LRCH2: variants seen among roughly 807,000 people sequenced by gnomAD.
LRCH2 encodes leucine rich repeats and calponin homology domain containing 2, also known as leucine-rich repeat and calponin homology domain-containing protein 2.
LRCH2 carries 38 observed loss-of-function variants against 68.9 expected under a neutral mutation model. The observed-to-expected ratio is 0.55, with a 90% CI of 0.43 to 0.72. The LOEUF is 0.72. Ranked by LOEUF, LRCH2 falls within the 30% of genes least tolerant of loss-of-function variation. LRCH2 has a pLI of 0.00. For missense variants in LRCH2, 528 were observed against 572.9 expected (o/e 0.92, Z 0.80); for synonymous variants, 191 against 208.1 (o/e 0.92, Z 0.71).
chrX:115,159,943 T>A (rs2072505291), intron 11 of LRCH2, among the ~76,000 whole-genome samples: 1 of 110,874 alleles, frequency 9.0e-6, no homozygotes, highest in Non-Finnish European at 1.9e-5. Flanking sequence ...CTGTACAATA[T>A]CCTCTTGCTG....
chrX:115,115,847 C>CA (rs1389764301), intron 20 of LRCH2, among the ~76,000 whole-genome samples: 113 of 102,809 alleles, frequency 1.1e-3, no homozygotes, highest in Non-Finnish European at 2.0e-3. Flanking sequence ...AACTACAACT[C>CA]AAAAAAAAAA....
At chrX:115,117,464 A>G (rs1414552520) in intron 20 of LRCH2, among the ~76,000 whole-genome samples, 1 of 111,629 alleles carries the variant, frequency 9.0e-6, no homozygotes. Context: ...TAAAGAATGT[A>G]TAAATCCATA....
In LRCH2 at chrX:115,197,400, C is replaced by T. The variant is rs1556563812; in HGVS notation, c.350-9030G>A. ...GAAATCTAAAAACCAATACAAAGAA[C>T]TCAGAAAATCAATTCAGAATACAAA... On this transcript the variant is annotated intron_variant, in intron 1 of 20. Transcript: ENST00000317135. Among the ~76,000 whole-genome samples the T allele has an allele frequency of 5.4e-5, 6 of 111,565 alleles. No individual in the cohort carries two copies. In the South Asian group the frequency reaches 2.3e-3, roughly 42 times the overall value.
chrX:115,167,897 A>G (rs781923664), intron 6 of LRCH2, among the ~76,000 whole-genome samples: 1 of 111,658 alleles, frequency 9.0e-6, no homozygotes, highest in Non-Finnish European at 1.9e-5. Context: ...TGCACAAAAT[A>G]CTCCATGTAT....
intron 14 of LRCH2, among the ~76,000 whole-genome samples, chrX:115,133,958 G>T (rs1212722349): frequency 5.3e-5 from 6 of 112,180 alleles, no homozygotes; most frequent in African/African-American, 9.7e-5. Context: ...GTGAAGCTAG[G>T]CCTCTTGCTC....
At chrX:115,194,586 G>A (rs1382014673) in intron 1 of LRCH2, among the ~76,000 whole-genome samples, 5 of 111,875 alleles carry the variant, frequency 4.5e-5, no homozygotes, top group Non-Finnish European at 7.5e-5. Flanking sequence ...ATAATATAGT[G>A]GTCTCAGAGA....
intron 14 of LRCH2, among the ~76,000 whole-genome samples, chrX:115,144,414 A>G (rs967663956): frequency 4.5e-5 from 5 of 111,340 alleles, no homozygotes; most frequent in Non-Finnish European, 9.4e-5. Context: ...GCACATTGTC[A>G]CCACTGTTAT....
intron 5 of LRCH2, among the ~76,000 whole-genome samples, chrX:115,176,469 T>C (rs1603060510): frequency 9.2e-6 from 1 of 109,176 alleles, no homozygotes; most frequent in Admixed American, 1.0e-4. Context: ...ATGTCTTGTT[T>C]GAAAAAATGT....
intron 1 of LRCH2, among the ~76,000 whole-genome samples, chrX:115,217,778 G>A (rs1382200875): frequency 9.0e-6 from 1 of 111,365 alleles, no homozygotes; most frequent in Non-Finnish European, 1.9e-5. Context: ...GGTATTTCTG[G>A]TTCTAGATCC....
intron 1 of LRCH2, among the ~76,000 whole-genome samples, chrX:115,224,062 T>C: frequency 8.9e-6 from 1 of 112,156 alleles, no homozygotes; most frequent in Admixed American, 9.5e-5. Context: ...TGGTACATGC[T>C]ACAACATAAA....
chrX:115,178,024 A>G (rs781795198), intron 5 of LRCH2, among the ~76,000 whole-genome samples: 2 of 112,585 alleles, frequency 1.8e-5, no homozygotes, highest in South Asian at 7.4e-4. Context: ...GTATTGGACA[A>G]TGCAGATACA....
intron 1 of LRCH2, among the ~76,000 whole-genome samples, chrX:115,223,912 A>G (rs1343581408): frequency 2.8e-5 from 3 of 108,941 alleles, no homozygotes; most frequent in Non-Finnish European, 5.7e-5. Context: ...GGCGACAAGA[A>G]CGAAACTCGG....
At chrX:115,167,653 A>G (rs1376441847) in intron 6 of LRCH2, among the ~76,000 whole-genome samples, 2 of 111,743 alleles carry the variant, frequency 1.8e-5, no homozygotes, top group Admixed American at 1.9e-4. Flanking sequence ...TTTTTACAAA[A>G]AAAAATAAAG....
At chrX:115,147,323 A>T (rs997020023) in intron 14 of LRCH2, among the ~76,000 whole-genome samples, 7 of 111,516 alleles carry the variant, frequency 6.3e-5, no homozygotes, top group Non-Finnish European at 1.1e-4. Flanking sequence ...GTGTTGATTT[A>T]ATTTAGGAAA....
intron 1 of LRCH2, among the ~76,000 whole-genome samples, chrX:115,232,181 T>C (rs1033010737): frequency 2.8e-5 from 3 of 106,043 alleles, no homozygotes; most frequent in Non-Finnish European, 5.8e-5. Flanking sequence ...AAGTCCTGAA[T>C]GCCAAGCTAG....
chrX:115,128,939 C>T (rs1469310023), intron 15 of LRCH2, among the ~76,000 whole-genome samples: 1 of 111,998 alleles, frequency 8.9e-6, no homozygotes, highest in East Asian at 2.8e-4. Flanking sequence ...TTGTCTAAAG[C>T]TCACCTGGTA....
intron 1 of LRCH2, among the ~76,000 whole-genome samples, chrX:115,197,504 C>A (rs1042504436): frequency 4.9e-4 from 55 of 111,211 alleles, no homozygotes; most frequent in African/African-American, 1.7e-3. Flanking sequence ...ACAATCTCAG[C>A]ACTTTGGGAG....
chrX:115,144,629 A>T (rs1340376853), intron 14 of LRCH2, among the ~76,000 whole-genome samples: 4 of 111,937 alleles, frequency 3.6e-5, no homozygotes, highest in Non-Finnish European at 7.5e-5. Context: ...AACATACAAA[A>T]GTCAGTAGGA....
intron 1 of LRCH2, chrX:115,191,156 A>G: frequency 8.6e-7 from 1 of 1,166,538 alleles, no homozygotes; most frequent in Non-Finnish European, 1.1e-6. Context: ...GCCGACGCCT[A>G]CAGTGGGGGC....
Sources: allele counts gnomAD v4.1 joint callset (sites outside exome capture counted in the v4.1 genomes callset), GRCh38; gene constraint gnomAD v4.1.1; transcripts MANE v1.5; gene names NCBI Gene and HGNC (gene_info 2026-07-23, HGNC 2026-07-21).